GPM6A: variants seen among roughly 807,000 people sequenced by gnomAD.
GPM6A encodes neuronal membrane glycoprotein M6-a.
GPM6A carries 7 observed loss-of-function variants against 32.1 expected under a neutral mutation model. The observed-to-expected ratio is 0.22, with a 90% CI of 0.12 to 0.41. The LOEUF (loss-of-function observed/expected upper bound fraction) is 0.41, where lower values mean the gene tolerates loss of function less well. GPM6A is among the 10% of genes least tolerant of loss of function. The probability of loss-of-function intolerance (pLI) is 1.00; values close to 1 mark genes in which losing one functional copy is unlikely to be tolerated. For synonymous variants in GPM6A, 130 were observed against 123.4 expected (o/e 1.05, Z -0.35); for missense variants, 235 against 347.2 (o/e 0.68, Z 2.57).
intron 1 of GPM6A, among the ~76,000 whole-genome samples, chr4:175,825,223 T>C (rs984850732): frequency 1.3e-5 from 2 of 152,190 alleles, no homozygotes; most frequent in Admixed American, 6.5e-5. Context: ...GTTTTACAGA[T>C]AATTGTACTA....
intron 1 of GPM6A, among the ~76,000 whole-genome samples, chr4:175,777,137 C>G (rs563623959): frequency 6.6e-6 from 1 of 152,268 alleles, no homozygotes; most frequent in East Asian, 1.9e-4. Context: ...GTGAGGTATA[C>G]TGTTGTTATG....
chr4:175,916,439 T>G (rs995951393), intron 1 of GPM6A, among the ~76,000 whole-genome samples: 1 of 152,248 alleles, frequency 6.6e-6, no homozygotes, highest in African/African-American at 2.4e-5. Context: ...AAGTTTTGCT[T>G]TTCAGTAGTT....
chr4:175,688,822 C>T lies in GPM6A; in HGVS notation c.230+12753G>A, dbSNP rs557186775. 1.3e-3 allele frequency among the ~76,000 whole-genome samples: 197 copies of T among 152,020 alleles called. 1 individual carries two copies. Among genetic ancestry groups the T allele is most frequent in the African/African-American group, 4.5e-3 (187 of 41,436 alleles). On this transcript the variant is annotated intron_variant, in intron 2 of 6. Coordinates refer to ENST00000393658, the MANE Select transcript of GPM6A (RefSeq NM_201591.3). ...CATACATATATACATACATATCAAA[C>T]TGTTGGTTTTTGTTATTTTCTGTTT...
At chr4:175,807,159 T>C (rs1734727567) in intron 1 of GPM6A, among the ~76,000 whole-genome samples, 1 of 152,216 alleles carries the variant, frequency 6.6e-6, no homozygotes, top group Non-Finnish European at 1.5e-5. Context: ...TTTGCAATAG[T>C]TCTCCAAATA....
chr4:175,962,081 A>T, intron 1 of GPM6A: 1 of 736,134 alleles, frequency 1.4e-6, no homozygotes, highest in South Asian at 1.4e-5. Context: ...ATCTGGTTAA[A>T]GTCTTTGGCC....
chr4:175,663,295 T>A (rs13139012), intron 3 of GPM6A, among the ~76,000 whole-genome samples: 19,898 of 152,188 alleles, frequency 0.13, 1,779 homozygotes, highest in Non-Finnish European at 0.19. Context: ...AACCAAGATG[T>A]TTCTCAGTAG....
intron 1 of GPM6A, among the ~76,000 whole-genome samples, chr4:175,756,461 GT>G (rs1364925420): frequency 6.6e-6 from 1 of 152,118 alleles, no homozygotes; most frequent in Non-Finnish European, 1.5e-5. Context: ...AGTCTGGCTG[GT>G]TTCATGTTGT....
At chr4:175,812,310 T>TTG, upstream of GPM6A, 1 of 1,129,190 alleles carries the variant, frequency 8.9e-7, no homozygotes, top group Non-Finnish European at 1.1e-6. Context: ...GGTTTTTTTT[T>TTG]TTTTTTTTTT....
intron 2 of GPM6A, among the ~76,000 whole-genome samples, chr4:175,683,754 G>C (rs1196400423): frequency 6.6e-6 from 1 of 152,000 alleles, no homozygotes; most frequent in Non-Finnish European, 1.5e-5. Context: ...GAAGATTCCT[G>C]AGGACTGCCC....
At chr4:175,882,140 C>T (rs1459556173) in intron 1 of GPM6A, among the ~76,000 whole-genome samples, 9 of 151,884 alleles carry the variant, frequency 5.9e-5, no homozygotes, top group Admixed American at 4.6e-4. Context: ...TTAGCTATTT[C>T]CACTGTTTCC....
chr4:175,905,999 T>C (rs147636287), intron 1 of GPM6A, among the ~76,000 whole-genome samples: 5 of 152,138 alleles, frequency 3.3e-5, no homozygotes, highest in African/African-American at 1.2e-4. Context: ...CAGAATAACA[T>C]TGCAGCAGGG....
chr4:175,946,526 G>A (rs1739611769), intron 1 of GPM6A, among the ~76,000 whole-genome samples: 1 of 152,180 alleles, frequency 6.6e-6, no homozygotes, highest in Admixed American at 6.5e-5. Context: ...AATGGGTGAT[G>A]TGATGAAGAT....
chr4:175,968,566 C>T (rs943024149), intron 1 of GPM6A, among the ~76,000 whole-genome samples: 2 of 152,094 alleles, frequency 1.3e-5, no homozygotes, highest in Admixed American at 1.3e-4. Flanking sequence ...ATCAAGATTT[C>T]TTAAATATCT....
chr4:175,949,642 C>A (rs1462182404), intron 1 of GPM6A, among the ~76,000 whole-genome samples: 4 of 152,260 alleles, frequency 2.6e-5, no homozygotes, highest in South Asian at 2.1e-4. Flanking sequence ...TTATCAAGAG[C>A]TAACTTTAGT....
At chr4:175,985,720 T>C (rs1740953200) in intron 1 of GPM6A, among the ~76,000 whole-genome samples, 1 of 152,222 alleles carries the variant, frequency 6.6e-6, no homozygotes, top group Non-Finnish European at 1.5e-5. Flanking sequence ...GATCAGTTTA[T>C]AACCATTCTA....
chr4:175,966,288 G>A (rs1740332568), intron 1 of GPM6A, among the ~76,000 whole-genome samples: 1 of 152,004 alleles, frequency 6.6e-6, no homozygotes, highest in Non-Finnish European at 1.5e-5. Flanking sequence ...TGTAGTCAGA[G>A]CTACTCAGGA....
chr4:175,868,878 T>G (rs778756618), intron 1 of GPM6A, among the ~76,000 whole-genome samples: 2 of 152,220 alleles, frequency 1.3e-5, no homozygotes, highest in Non-Finnish European at 2.9e-5. Context: ...TTGCATGACT[T>G]CAGGAAAGTG....
chr4:175,730,523 T>A (rs964560986), intron 1 of GPM6A, among the ~76,000 whole-genome samples: 3 of 150,312 alleles, frequency 2.0e-5, no homozygotes, highest in Non-Finnish European at 4.4e-5. Context: ...CAGGCTGGAG[T>A]GCAGTGGCGC....
At chr4:176,002,211 C>T (rs1741507424) in intron 1 of GPM6A, 1 of 1,280,476 alleles carries the variant, frequency 7.8e-7, no homozygotes, top group Admixed American at 2.0e-5. Context: ...CTGGGAAGGA[C>T]GCAGTCTGAG....
Sources: gnomAD v4.1 joint callset for allele counts (sites outside exome capture counted in the v4.1 genomes callset) on GRCh38, gnomAD v4.1.1 for gene constraint, MANE v1.5 for transcripts, NCBI Gene and HGNC (gene_info 2026-07-23, HGNC 2026-07-21) for gene names.